The following REPS2 variants were observed in gnomAD, a reference collection of about 807,000 sequenced individuals.
The protein encoded by REPS2 is ralBP1-associated Eps domain-containing protein 2.
A neutral mutation model predicts 53.6 loss-of-function variants in REPS2; 23 were observed. That is an observed-to-expected ratio of 0.43 (90% CI 0.31 to 0.61). The LOEUF (loss-of-function observed/expected upper bound fraction) is 0.61, where lower values mean the gene tolerates loss of function less well. REPS2 is among the 20% of genes least tolerant of loss of function. The probability of loss-of-function intolerance (pLI) is 0.11; values close to 1 mark genes in which losing one functional copy is unlikely to be tolerated. For missense variants in REPS2, 446 were observed against 534.9 expected (o/e 0.83, Z 1.64); for synonymous variants, 238 against 218.6 (o/e 1.09, Z -0.78).
intron 14 of REPS2, among the ~76,000 whole-genome samples, chrX:17,119,292 A>G (rs1486837948): frequency 5.3e-5 from 6 of 112,555 alleles, no homozygotes; most frequent in African/African-American, 1.6e-4. Flanking sequence ...TTTATTAACA[A>G]TCAAACTGAC....
chrX:17,055,135 T>C (rs1467579455), intron 8 of REPS2, among the ~76,000 whole-genome samples, 185 bp downstream of exon 8: 2 of 94,445 alleles, frequency 2.1e-5, no homozygotes, highest in Admixed American at 1.2e-4. Context: ...GTTTTTTGGC[T>C]GCATAAATGT....
At chrX:17,068,827 C>T (rs1471482595) in intron 10 of REPS2, among the ~76,000 whole-genome samples, 1 of 112,766 alleles carries the variant, frequency 8.9e-6, no homozygotes, top group Non-Finnish European at 1.9e-5. Flanking sequence ...TGTAAATGCA[C>T]ATTTGCATAC....
At chrX:16,951,292 C>A (rs1202680949) in intron 1 of REPS2, among the ~76,000 whole-genome samples, 1 of 111,564 alleles carries the variant, frequency 9.0e-6, no homozygotes, top group East Asian at 2.8e-4. Flanking sequence ...CTGCCATTTT[C>A]CACCTAGTGC....
At chrX:17,102,028 T>TTATG (rs2062811590) in intron 13 of REPS2, among the ~76,000 whole-genome samples, 33 of 95,262 alleles carry the variant, frequency 3.5e-4, no homozygotes, top group African/African-American at 9.1e-4. Context: ...TTTATTTTAT[T>TTATG]TTATGTTATG....
intron 1 of REPS2, among the ~76,000 whole-genome samples, chrX:16,994,482 C>T (rs2061205077): frequency 9.1e-6 from 1 of 110,468 alleles, no homozygotes; most frequent in Non-Finnish European, 1.9e-5. Flanking sequence ...TACTACTCAG[C>T]CATAAAAAGG....
At chrX:17,172,102 G>A in the REPS2 span, among the ~76,000 whole-genome samples, 6 of 111,771 alleles carry the variant, frequency 5.4e-5, no homozygotes, top group Admixed American at 5.7e-4. Context: ...ATATACAAAG[G>A]CCAAATAATT....
At chrX:17,157,315 C>G (rs1293527842), downstream of REPS2, among the ~76,000 whole-genome samples, 1 of 111,570 alleles carries the variant, frequency 9.0e-6, no homozygotes, top group Admixed American at 9.5e-5. Flanking sequence ...AGTGTTCTTC[C>G]TTTTGCTTTT....
chrX:17,140,019 G>T (rs958431926), intron 17 of REPS2, among the ~76,000 whole-genome samples: 1 of 111,591 alleles, frequency 9.0e-6, no homozygotes, highest in African/African-American at 3.3e-5. Flanking sequence ...TTCTCTACTG[G>T]ATCATTCGCC....
chrX:16,964,618 G>A (rs1243626033), intron 1 of REPS2, among the ~76,000 whole-genome samples: 2 of 108,382 alleles, frequency 1.8e-5, no homozygotes, highest in Non-Finnish European at 3.9e-5. Flanking sequence ...GGGCAGAGGC[G>A]CCCCTCACCT....
At chrX:17,050,198 T>TTTCTTTCTTTCTCTCTTTC (rs2061977971) in intron 6 of REPS2, among the ~76,000 whole-genome samples, 1 of 22,962 alleles carries the variant, frequency 4.4e-5, no homozygotes, top group South Asian at 2.1e-3. Flanking sequence ...TTCTTTCTTT[T>TTTCTTTCTTTCTCTCTTTC]TTTTTTTTTT....
At chrX:17,125,586 A>G (rs2063198565) in intron 14 of REPS2, among the ~76,000 whole-genome samples, 1 of 112,753 alleles carries the variant, frequency 8.9e-6, no homozygotes, top group African/African-American at 3.2e-5. Context: ...TGCTCTGGTT[A>G]TATTTGGGAG....
At chrX:16,948,555 A>G (rs1160698633) in intron 1 of REPS2, among the ~76,000 whole-genome samples, 10 of 112,402 alleles carry the variant, frequency 8.9e-5, no homozygotes, top group Non-Finnish European at 5.6e-5. Flanking sequence ...GGAATAATTG[A>G]CTGAGGCTAT....
intron 14 of REPS2, among the ~76,000 whole-genome samples, chrX:17,118,039 A>C (rs1225836270): frequency 1.1e-5 from 1 of 91,690 alleles, no homozygotes; most frequent in African/African-American, 4.2e-5. Flanking sequence ...GGCTCACTGC[A>C]AGCTCCGCCT....
At chrX:16,989,079 A>G (rs971146777) in intron 1 of REPS2, among the ~76,000 whole-genome samples, 1 of 111,658 alleles carries the variant, frequency 9.0e-6, no homozygotes, top group Non-Finnish European at 1.9e-5. Flanking sequence ...AGACTGTGTG[A>G]TATTGGTGGA....
At chrX:17,013,032 G>T (rs1167205642) in intron 2 of REPS2, among the ~76,000 whole-genome samples, 1 of 112,433 alleles carries the variant, frequency 8.9e-6, no homozygotes, top group Admixed American at 9.4e-5. Flanking sequence ...CTGCAAAACA[G>T]TTGTTCTCCA....
chrX:17,067,436 A>G (rs1396391181), intron 9 of REPS2, among the ~76,000 whole-genome samples: 1 of 112,260 alleles, frequency 8.9e-6, no homozygotes, highest in Non-Finnish European at 1.9e-5. Context: ...AACATTTAAC[A>G]TCAACTCCCT....
At chrX:17,034,307 A>AT (rs1194937319) in intron 5 of REPS2, among the ~76,000 whole-genome samples, 1 of 110,947 alleles carries the variant, frequency 9.0e-6, no homozygotes, top group Non-Finnish European at 1.9e-5. Flanking sequence ...ATATTTATTT[A>AT]TTTTTTTAGA....
rs192105086 is a variant in REPS2, at chrX:17,025,696, G to C, written c.673+511G>C. On this transcript the variant is annotated intron_variant, in intron 4 of 17. Coordinates refer to ENST00000357277, the MANE Select transcript of REPS2 (RefSeq NM_004726.3). ...AATGCTAGGGGTAGCATTTTGCTGA[G>C]GGGTATGTAGCATGCACAGTTGTGG... 1.8e-3 allele frequency among the ~76,000 whole-genome samples: 199 copies of C among 111,946 alleles called. 1 individual carries two copies. The highest frequency in any genetic ancestry group is 6.0e-3 in the African/African-American group (186 of 30,783).
At chrX:16,974,006 C>A (rs1358699815) in intron 1 of REPS2, among the ~76,000 whole-genome samples, 1 of 111,147 alleles carries the variant, frequency 9.0e-6, no homozygotes, top group Non-Finnish European at 1.9e-5. Context: ...TTCTTTTATT[C>A]TTTAGTTTTG....
Sources: allele counts gnomAD v4.1 joint callset (sites outside exome capture counted in the v4.1 genomes callset), GRCh38; gene constraint gnomAD v4.1.1; transcripts MANE v1.5; gene names NCBI Gene and HGNC (gene_info 2026-07-23, HGNC 2026-07-21).